NEK2: variants seen among roughly 807,000 people sequenced by gnomAD.
The protein encoded by NEK2 is NIMA related kinase 2, also known as serine/threonine-protein kinase Nek2.
Under a neutral mutation model 54.1 loss-of-function variants are expected in NEK2, and 28 were observed. That is an observed-to-expected ratio of 0.52 (90% CI 0.38 to 0.71). The LOEUF (loss-of-function observed/expected upper bound fraction) is 0.71, where lower values mean the gene tolerates loss of function less well. Ranked by LOEUF, NEK2 falls within the 30% of genes least tolerant of loss-of-function variation. The probability of loss-of-function intolerance (pLI) is 0.00; values close to 1 mark genes in which losing one functional copy is unlikely to be tolerated. For synonymous variants in NEK2, 176 were observed against 193.1 expected (o/e 0.91, Z 0.73); for missense variants, 407 against 531.5 (o/e 0.77, Z 2.30).
intron 2 of NEK2, 143 bp from the exon 3 acceptor site, chr1:211,673,866 C>T (rs1655485672): frequency 1.1e-6 from 1 of 912,702 alleles, no homozygotes; most frequent in Admixed American, 3.0e-5. Context: ...ACTCTGTCAC[C>T]CAGGCTGGAA....
downstream of NEK2, among the ~76,000 whole-genome samples, chr1:211,662,605 T>C (rs903931578): frequency 2.0e-5 from 3 of 152,194 alleles, no homozygotes; most frequent in African/African-American, 4.8e-5. The surrounding 1 kb of genome is among the most constrained non-coding windows in gnomAD (Gnocchi z 4.2). Flanking sequence ...CTGGCTTACA[T>C]ACATGGATTA....
At chr1:211,673,842 T>G in intron 2 of NEK2, 119 bp from the exon 3 acceptor site, 19 of 1,085,448 alleles carry the variant, frequency 1.8e-5, no homozygotes, top group Non-Finnish European at 2.4e-5. Flanking sequence ...TTATATTTTT[T>G]GAGACAGGGT....
At position 211,663,530 on chromosome 1, in the gene NEK2, C is replaced by T. The variant is rs748521808; in HGVS notation, c.1234G>A (p.Asp412Asn). 64 of 1,613,860 alleles carry T rather than the reference C, an allele frequency of 4.0e-5. No homozygotes were observed. Among genetic ancestry groups the T allele is most frequent in the Non-Finnish European group, 5.3e-5 (63 of 1,179,882 alleles). The change falls in exon 8 of 8, where the codon GAC (aspartate) becomes AAC (asparagine). Residue 412 changes from aspartate (D) to asparagine (N), a missense_variant. Coordinates refer to ENST00000366999, the MANE Select transcript of NEK2 (RefSeq NM_002497.4). ...GCAGCGTGAAGCCTTTTCTTCAGGT[C>T]CTTGCACTTGGACTTAGATGTGAGC... ...SQLTSKSKCK[D>N]LKKRLHAAQL...
downstream of NEK2, among the ~76,000 whole-genome samples, chr1:211,659,167 A>T (rs1654955847): frequency 6.6e-6 from 1 of 152,174 alleles, no homozygotes; most frequent in Non-Finnish European, 1.5e-5. Flanking sequence ...TATATAGCAT[A>T]GCAAATTGTA....
chr1:211,675,492 G>T lies in NEK2; in HGVS notation c.-13C>A. ...CCCGGGAAGGCATGGCCGGCCAGTC[G>T]CCAGAGTCGCGCTGCCTCACGCAGG... On this transcript the variant is annotated 5_prime_UTR_variant, in exon 1 of 8. Transcript: ENST00000366999. 6.2e-7 allele frequency: 1 copy of T among 1,609,830 alleles called. No homozygotes were observed. The highest frequency in any genetic ancestry group is 8.5e-7 in the Non-Finnish European group (1 of 1,177,518).
chr1:211,664,340 T>C (rs753157378), intron 7 of NEK2, among the ~76,000 whole-genome samples: 9 of 152,198 alleles, frequency 5.9e-5, no homozygotes, highest in Non-Finnish European at 1.3e-4. Flanking sequence ...AATCCTTTTA[T>C]TTTTTGTGTT....
At position 211,673,529 on chromosome 1, in the gene NEK2, G is replaced by A. The variant is rs759517583; in HGVS notation, c.509C>T (p.Thr170Met). 15 of 1,613,822 alleles carry A rather than the reference G, an allele frequency of 9.3e-6. No homozygotes were observed. Among genetic ancestry groups the A allele is most frequent in the East Asian group, 2.2e-5 (1 of 44,906 alleles). Residue 170 changes from threonine (T) to methionine (M), a missense_variant, in exon 3 of 8, where the codon ACG becomes ATG. Thr to Met is a moderately conservative substitution (Grantham distance 81). Transcript: ENST00000366999. Reference sequence around the variant, plus strand: ...GCCAACAAATGTTTTTGCAAAACTCGTGTCATGGTTTAATATTCTAGCTAG... The same window carrying A: ...GCCAACAAATGTTTTTGCAAAACTCATGTCATGGTTTAATATTCTAGCTAG... The part of the protein sequence containing the change: ...FGLARILNHD[T>M]SFAKTFVGTP...
At position 211,663,382 on chromosome 1, in the gene NEK2, GGTAATATTACATCCT is replaced by G. The variant is rs1381300232; in HGVS notation, c.*29_*43del. 6.4e-7 allele frequency: 1 copy of G among 1,568,188 alleles called. No individual in the cohort carries two copies. The highest frequency in any genetic ancestry group is 1.4e-5 in the African/African-American group (1 of 74,040). On this transcript the variant is annotated 3_prime_UTR_variant, in exon 8 of 8. Coordinates refer to ENST00000366999, the MANE Select transcript of NEK2 (RefSeq NM_002497.4). Reference sequence around the variant, plus strand: ...ATTTGAATATCAGTCTTTAAAGGTTGGTAATATTACATCCTGTACACAGCTCTGTGTCTCTCTACC... The same window carrying G: ...ATTTGAATATCAGTCTTTAAAGGTTGGTACACAGCTCTGTGTCTCTCTACC...
At position 211,669,274 on chromosome 1, in the gene NEK2, A is replaced by G. The variant is rs1655284883; in HGVS notation, c.824T>C (p.Val275Ala). ...AAGATTTCTTCTTTGCTCGTCTGCAACCAAATCTGCTATTAAAGGGTTCTC... is the reference window on the plus strand; with the variant it reads ...AAGATTTCTTCTTTGCTCGTCTGCAGCCAAATCTGCTATTAAAGGGTTCTC... ...ILENPLIADL[V>A]ADEQRRNLER... is the part of the protein sequence containing the mutation. The change falls in exon 6 of 8, where the codon GTT (valine) becomes GCT (alanine). Residue 275 changes from valine (V) to alanine (A), a missense_variant. Val to Ala is a moderately conservative substitution (Grantham distance 64). Transcript: ENST00000366999. 1 of 1,614,056 alleles carries G rather than the reference A, an allele frequency of 6.2e-7. No homozygotes were observed. Among genetic ancestry groups the G allele is most frequent in the Admixed American group, 1.7e-5 (1 of 60,002 alleles).
intron 3 of NEK2, among the ~76,000 whole-genome samples, chr1:211,672,474 A>T (rs1046581083): frequency 2.6e-5 from 4 of 152,232 alleles, no homozygotes; most frequent in African/African-American, 7.2e-5. Flanking sequence ...ATAGGCAACA[A>T]AAAAATAAAA....
Position 211,666,476 on chromosome 1 carries a change from T to C in NEK2, c.1111+630A>G, listed in dbSNP as rs544864124. On this transcript the variant is annotated intron_variant, in intron 7 of 7. Transcript: ENST00000366999. Reference sequence around the variant, plus strand: ...GTTTATCTCTCTGAAATCTGAAACATACAATAGTTTTGTAAATGCCCTAAT... The same window carrying C: ...GTTTATCTCTCTGAAATCTGAAACACACAATAGTTTTGTAAATGCCCTAAT... 2.3e-4 allele frequency: 227 copies of C among 977,438 alleles called. 1 individual carries two copies. The African/African-American group carries it at 3.6e-3, about 15-fold the overall frequency. 60.5% of individuals were successfully genotyped at this position (977,438 alleles called of 1,614,324 possible).
At chr1:211,669,064 A>G in intron 6 of NEK2, 49 bp downstream of exon 6, 1 of 1,497,080 alleles carries the variant, frequency 6.7e-7, no homozygotes, top group Non-Finnish European at 9.3e-7. Context: ...ACACATCAAA[A>G]TAACCCACTT....
In NEK2 at chr1:211,663,359, T is replaced by A; in HGVS notation, c.*67A>T. 6.5e-7 allele frequency: 1 copy of A among 1,544,456 alleles called. No homozygotes were observed. Among genetic ancestry groups the A allele is most frequent in the Non-Finnish European group, 8.8e-7 (1 of 1,141,258 alleles). Reference sequence around the variant, plus strand: ...AACCAAGTATTCAACACTACAGCATTTGAATATCAGTCTTTAAAGGTTGGT... The same window carrying A: ...AACCAAGTATTCAACACTACAGCATATGAATATCAGTCTTTAAAGGTTGGT... On this transcript the variant is annotated 3_prime_UTR_variant, in exon 8 of 8. Transcript: ENST00000366999.
downstream of NEK2, among the ~76,000 whole-genome samples, chr1:211,662,617 T>C (rs1347269385): frequency 6.6e-6 from 1 of 152,172 alleles, no homozygotes; most frequent in Non-Finnish European, 1.5e-5. This position sits in a 1 kb window ranked among gnomAD's most constrained non-coding sequence, Gnocchi z 4.2. Context: ...CATGGATTAA[T>C]GAGATGGGAG....
intron 7 of NEK2, among the ~76,000 whole-genome samples, chr1:211,665,205 C>G (rs1655139537): frequency 6.6e-6 from 1 of 152,142 alleles, no homozygotes; most frequent in Non-Finnish European, 1.5e-5. Context: ...GAGAATATTT[C>G]CAACTGTCCT....
chr1:211,668,361 G>C (rs1655244617), intron 6 of NEK2, among the ~76,000 whole-genome samples: 1 of 152,184 alleles, frequency 6.6e-6, no homozygotes, highest in South Asian at 2.1e-4. Flanking sequence ...CATCTTGGTG[G>C]AGTAGACACA....
downstream of NEK2, among the ~76,000 whole-genome samples, chr1:211,662,133 C>T (rs1035697306): frequency 6.6e-6 from 1 of 152,200 alleles, no homozygotes; most frequent in South Asian, 2.1e-4. This position sits in a 1 kb window ranked among gnomAD's most constrained non-coding sequence, Gnocchi z 4.2. Context: ...AACTCGATAT[C>T]CATCCACATC....
In NEK2 at chr1:211,667,199, G is replaced by A. The variant is rs374240174; in HGVS notation, c.1018C>T (p.Leu340=). Residue 340 remains leucine (L), a synonymous_variant, in exon 7 of 8, where the codon CTA becomes TTA. Transcript: ENST00000366999. Reference sequence around the variant, plus strand: ...GCTCTAGCCAGTTTGTCCTCTGCTAGTCTCTCACGAACACAAAGCTCCTGT... The same window carrying A: ...GCTCTAGCCAGTTTGTCCTCTGCTAATCTCTCACGAACACAAAGCTCCTGT... ...KEQELCVRER[L]AEDKLARAEN... The A allele has an allele frequency of 4.3e-5, 70 of 1,611,016 alleles. 1 individual carries two copies. In the Middle Eastern group the frequency reaches 1.5e-3, roughly 34 times the overall value.
In NEK2 at chr1:211,669,253, T is replaced by C. The variant is rs948428346; in HGVS notation, c.845A>G (p.Asn282Ser). The change falls in exon 6 of 8, where the codon AAT (asparagine) becomes AGT (serine). Residue 282 changes from asparagine (N) to serine (S), a missense_variant. Physicochemically the swap from Asn to Ser is conservative, Grantham distance 46. Coordinates refer to ENST00000366999, the MANE Select transcript of NEK2 (RefSeq NM_002497.4). The stretch of plus-strand genomic sequence containing the variant: ...TAATTGTCGCCCTCTTCTCTCAAGA[T>C]TTCTTCTTTGCTCGTCTGCAACCAA... ...ADLVADEQRRNLERRGRQLGE... is the reference protein window; with the variant it reads ...ADLVADEQRRSLERRGRQLGE... The C allele has an allele frequency of 6.2e-7, 1 of 1,614,188 alleles. No individual in the cohort carries two copies. The highest frequency in any genetic ancestry group is 8.5e-7 in the Non-Finnish European group (1 of 1,179,996).
Sources: gnomAD v4.1 joint callset for allele counts (sites outside exome capture counted in the v4.1 genomes callset) on GRCh38, gnomAD v4.1.1 for gene constraint, Gnocchi (gnomAD v3.1) non-coding constraint, MANE v1.5 for transcripts, NCBI Gene and HGNC (gene_info 2026-07-23, HGNC 2026-07-21) for gene names.